The following PLCB1 variants were observed in gnomAD, a reference collection of about 807,000 sequenced individuals.
The protein encoded by PLCB1 is phospholipase C beta 1.
A neutral mutation model predicts 161.8 loss-of-function variants in PLCB1; 46 were observed. That is an observed-to-expected ratio of 0.28 (90% CI 0.22 to 0.36). The LOEUF (loss-of-function observed/expected upper bound fraction) is 0.36, where lower values mean the gene tolerates loss of function less well. Among genes scored for constraint, PLCB1 ranks in the 10% least tolerant of loss-of-function variants. PLCB1 has a pLI of 1.00. For synonymous variants in PLCB1, 517 were observed against 503.7 expected (o/e 1.03, Z -0.35); for missense variants, 1,016 against 1,472.5 (o/e 0.69, Z 5.07).
chr20:8,481,170 A>G (rs1568692568), intron 3 of PLCB1, among the ~76,000 whole-genome samples: 1 of 151,174 alleles, frequency 6.6e-6, no homozygotes. Context: ...TTAAAAAGTT[A>G]AATTGTAGTA....
intron 3 of PLCB1, among the ~76,000 whole-genome samples, chr20:8,590,333 A>G (rs1462077006): frequency 1.3e-5 from 2 of 152,222 alleles, no homozygotes; most frequent in Non-Finnish European, 2.9e-5. Context: ...TGTAAAATAT[A>G]TAAGAAATAT....
At chr20:8,565,348 G>A (rs1056061536) in intron 3 of PLCB1, among the ~76,000 whole-genome samples, 3 of 152,030 alleles carry the variant, frequency 2.0e-5, no homozygotes, top group South Asian at 4.2e-4. Flanking sequence ...TGGTTGGGGG[G>A]TTAGGGCATG....
intron 4 of PLCB1, 137 bp downstream of exon 4, chr20:8,628,568 AAGT>A: frequency 1.3e-6 from 1 of 794,224 alleles, no homozygotes; most frequent in Non-Finnish European, 2.0e-6. Flanking sequence ...TTCAGCTGCC[AAGT>A]ATAAGTGCAA....
Position 8,757,090 on chromosome 20 carries a change from A to G in PLCB1, c.2568A>G (p.Arg856=). 6.2e-7 allele frequency: 1 copy of G among 1,610,818 alleles called. No homozygotes were observed. Among genetic ancestry groups the G allele is most frequent in the South Asian group, 1.1e-5 (1 of 90,908 alleles). ...ETPSEAPSEA[R]TTPAENGVNH... ...CATCAGAGGCTCCAAGTGAAGCGAG[A>G]ACGACTCCAGCAGAAAATGGGGTGA... Residue 856 remains arginine, a synonymous_variant, in exon 24 of 32, where the codon AGA becomes AGG. Coordinates refer to ENST00000338037, the MANE Select transcript of PLCB1 (RefSeq NM_015192.4).
chr20:8,757,704 G>A (rs911589541), intron 24 of PLCB1, among the ~76,000 whole-genome samples: 2 of 152,064 alleles, frequency 1.3e-5, no homozygotes, highest in African/African-American at 2.4e-5. Context: ...AGATGAATAA[G>A]CTGCCATTTT....
chr20:8,652,504 A>G (rs1243179830), intron 7 of PLCB1: 1 of 152,116 alleles, frequency 6.6e-6, no homozygotes, highest in Non-Finnish European at 1.5e-5. Flanking sequence ...CTACATAACA[A>G]TGACTCTAGA....
chr20:8,839,754 C>T (rs1986425031), intron 31 of PLCB1, among the ~76,000 whole-genome samples: 2 of 132,570 alleles, frequency 1.5e-5, no homozygotes, highest in Admixed American at 7.3e-5. Flanking sequence ...AAAAAAAAAG[C>T]CTTGGCCAGG....
At chr20:8,363,933 A>G (rs1986624002) in intron 2 of PLCB1, among the ~76,000 whole-genome samples, 1 of 152,218 alleles carries the variant, frequency 6.6e-6, no homozygotes, top group East Asian at 1.9e-4. Context: ...ATTTTGTTTT[A>G]CAATTCTTGG....
intron 9 of PLCB1, among the ~76,000 whole-genome samples, chr20:8,659,953 C>A (rs1426721611): frequency 1.4e-5 from 2 of 146,850 alleles, no homozygotes; most frequent in Admixed American, 6.9e-5. Flanking sequence ...GATTACACCA[C>A]TGCCCTCCAG....
chr20:8,873,710 C>T (rs1987683503), intron 31 of PLCB1, among the ~76,000 whole-genome samples: 1 of 151,900 alleles, frequency 6.6e-6, no homozygotes, highest in African/African-American at 2.4e-5. Flanking sequence ...CATTTTTTCA[C>T]TTATCACAAA....
chr20:8,664,642 C>G (rs937557323), intron 9 of PLCB1, among the ~76,000 whole-genome samples: 5 of 152,126 alleles, frequency 3.3e-5, no homozygotes, highest in African/African-American at 9.7e-5. Flanking sequence ...CAAACTAAAG[C>G]ACTGAATAAA....
chr20:8,383,853 A>G (rs926392224), intron 3 of PLCB1, among the ~76,000 whole-genome samples: 3 of 152,010 alleles, frequency 2.0e-5, no homozygotes, highest in Non-Finnish European at 2.9e-5. Context: ...TTGGCCCCCA[A>G]TCTCTTCTGG....
intron 3 of PLCB1, among the ~76,000 whole-genome samples, chr20:8,414,312 A>C (rs976485109): frequency 2.0e-5 from 3 of 152,228 alleles, no homozygotes; most frequent in African/African-American, 7.2e-5. Context: ...TATCAAATTT[A>C]ATGTAATTGC....
intron 3 of PLCB1, among the ~76,000 whole-genome samples, chr20:8,478,873 T>G (rs1982386681): frequency 6.6e-6 from 1 of 152,010 alleles, no homozygotes; most frequent in South Asian, 2.1e-4. Context: ...AGATTAAAAA[T>G]GCTCAAAATT....
At chr20:8,546,538 A>C (rs967445804) in intron 3 of PLCB1, among the ~76,000 whole-genome samples, 3 of 152,126 alleles carry the variant, frequency 2.0e-5, no homozygotes, top group African/African-American at 7.2e-5. Context: ...TTCTTTATGG[A>C]AACTGAGACC....
intron 3 of PLCB1, among the ~76,000 whole-genome samples, chr20:8,565,590 G>T (rs950001823): frequency 6.6e-6 from 1 of 151,614 alleles, no homozygotes; most frequent in Non-Finnish European, 1.5e-5. Flanking sequence ...GTCTGAATAG[G>T]CAAACAGAAA....
intron 31 of PLCB1, among the ~76,000 whole-genome samples, chr20:8,856,989 A>C (rs574542094): frequency 1.3e-5 from 2 of 152,312 alleles, no homozygotes; most frequent in South Asian, 4.1e-4. Context: ...TCAACTGAGC[A>C]TGAGGTGGAC....
At chr20:8,147,004 A>G (rs976121417) in intron 1 of PLCB1, among the ~76,000 whole-genome samples, 4 of 152,322 alleles carry the variant, frequency 2.6e-5, no homozygotes, top group Admixed American at 2.0e-4. Flanking sequence ...CTTAGAAGCA[A>G]TATACTCACA....
chr20:8,132,796 G>C lies in PLCB1; in HGVS notation c.99+46G>C, dbSNP rs1348909701. ...AGTCGGGGCGCTGGCTCGGGCACCG[G>C]GCAGGGCGGGCGTCGTGGGGGTGGG... On this transcript the variant is annotated intron_variant, in intron 1 of 31. Transcript: ENST00000338037. The surrounding 1 kb of genome is among the most constrained non-coding windows in gnomAD (Gnocchi z 5.2). The C allele has an allele frequency of 1.4e-6, 2 of 1,408,400 alleles. No homozygotes were observed. Among genetic ancestry groups the C allele is most frequent in the Admixed American group, 3.5e-5 (2 of 57,334 alleles). The allele number at this position is 1,408,400 out of a possible 1,614,324, so 87.2% of individuals were successfully genotyped here.
Sources: allele counts gnomAD v4.1 joint callset (sites outside exome capture counted in the v4.1 genomes callset), GRCh38; gene constraint gnomAD v4.1.1; non-coding constraint Gnocchi (gnomAD v3.1); transcripts MANE v1.5; gene names NCBI Gene and HGNC (gene_info 2026-07-23, HGNC 2026-07-21).